The following LITAF variants were observed in gnomAD, a reference collection of about 807,000 sequenced individuals.
The protein encoded by LITAF is lipopolysaccharide induced TNF factor.
Under a neutral mutation model 14.5 loss-of-function variants are expected in LITAF, and 9 were observed. The observed-to-expected ratio is 0.62, with a 90% CI of 0.37 to 1.08. LITAF has a LOEUF of 1.08. Ranked by LOEUF, LITAF falls within the 50% of genes least tolerant of loss-of-function variation. LITAF has a pLI of 0.01. For missense variants in LITAF, 206 were observed against 213.4 expected (o/e 0.97, Z 0.22); for synonymous variants, 98 against 88.2 (o/e 1.11, Z -0.62).
chr16:11,637,538 C>T (rs957625220), upstream of LITAF, among the ~76,000 whole-genome samples: 1 of 152,230 alleles, frequency 6.6e-6, no homozygotes, highest in Non-Finnish European at 1.5e-5. Flanking sequence ...ATGAAACAAT[C>T]CACCAAGGAC....
upstream of LITAF, among the ~76,000 whole-genome samples, chr16:11,587,993 G>A (rs1017298956): frequency 6.6e-6 from 1 of 152,144 alleles, no homozygotes; most frequent in African/African-American, 2.4e-5. Context: ...CCTAAAGATA[G>A]TGAGGCCCAG....
Position 11,549,500 on chromosome 16 carries a change from C to T in LITAF, c.*137G>A, listed in dbSNP as rs1467716988. 2 of 714,144 alleles carry T rather than the reference C, an allele frequency of 2.8e-6. No individual in the cohort carries two copies. The highest frequency in any genetic ancestry group is 2.8e-5 in the East Asian group (1 of 36,312). 44.2% of individuals were successfully genotyped at this position (714,144 alleles called of 1,614,324 possible). A position where few individuals can be genotyped will look rare whatever the true frequency, so the allele number is the denominator to read the frequency against. Reference sequence around the variant, plus strand: ...GATTTGTTAGTTTTGCGACGTATTCCCCCCAAAAGAAGACATGAAGGTGGG... The same window carrying T: ...GATTTGTTAGTTTTGCGACGTATTCTCCCCAAAAGAAGACATGAAGGTGGG... On this transcript the variant is annotated 3_prime_UTR_variant, in exon 4 of 4. Coordinates refer to ENST00000622633, the MANE Select transcript of LITAF (RefSeq NM_001136472.2). The surrounding 1 kb of genome is among the most constrained non-coding windows in gnomAD (Gnocchi z 4.6).
chr16:11,612,879 G>C (rs2064991431), intron 3 of LITAF, among the ~76,000 whole-genome samples: 1 of 152,162 alleles, frequency 6.6e-6, no homozygotes, highest in Admixed American at 6.5e-5. Flanking sequence ...CATGGCTCCT[G>C]AAGACTTGTG....
intron 1 of LITAF, among the ~76,000 whole-genome samples, chr16:11,557,375 G>T (rs759684622): frequency 6.6e-6 from 1 of 152,028 alleles, no homozygotes; most frequent in African/African-American, 2.4e-5. Context: ...GGTTACAGAG[G>T]TATGTTCAGT....
At chr16:11,619,401 A>C (rs2065036873) in intron 3 of LITAF, among the ~76,000 whole-genome samples, 1 of 152,032 alleles carries the variant, frequency 6.6e-6, no homozygotes, top group African/African-American at 2.4e-5. Context: ...CCAGTGCCCC[A>C]AAGGCCCCAA....
intron 1 of LITAF, among the ~76,000 whole-genome samples, chr16:11,573,174 C>A (rs576533271): frequency 6.6e-6 from 1 of 152,128 alleles, no homozygotes; most frequent in African/African-American, 2.4e-5. Context: ...AAGCGATCCG[C>A]CTGCCTCGGC....
rs918475461 is a variant in LITAF at position 11,632,856 on chromosome 16, CA to C, written c.85+676del. Among the ~76,000 whole-genome samples, 2 of 152,172 alleles carry C rather than the reference CA, an allele frequency of 1.3e-5. No individual in the cohort carries two copies. The highest frequency in any genetic ancestry group is 4.8e-5 in the African/African-American group (2 of 41,450). ...CTTCTGCCGAATGCCTGGAATTCCA[CA>C]GGAATTTCCACAGAGGCCCACCCCA... is the stretch of plus-strand genomic sequence containing the variant. On this transcript the variant is annotated intron_variant, in intron 3 of 3. Coordinates refer to the LITAF transcript ENST00000574848. The surrounding 1 kb of genome is among the most constrained non-coding windows in gnomAD (Gnocchi z 4.8).
At chr16:11,556,116 T>A (rs1463235426) in intron 2 of LITAF, among the ~76,000 whole-genome samples, 1 of 152,170 alleles carries the variant, frequency 6.6e-6, no homozygotes, top group African/African-American at 2.4e-5. Flanking sequence ...AATCACACAT[T>A]GCTCAGGACG....
At chr16:11,615,481 G>C (rs1434072648) in intron 3 of LITAF, among the ~76,000 whole-genome samples, 7 of 150,398 alleles carry the variant, frequency 4.7e-5, no homozygotes, top group Non-Finnish European at 1.5e-5. Flanking sequence ...AGGTTGCGGT[G>C]AGCCGAGATC....
chr16:11,637,713 C>T (rs187551887), upstream of LITAF, among the ~76,000 whole-genome samples: 1 of 151,522 alleles, frequency 6.6e-6, no homozygotes, highest in Admixed American at 6.6e-5. Flanking sequence ...GAGCTCCTGT[C>T]TCCACAAAAA....
At position 11,553,636 on chromosome 16, in the gene LITAF, T is replaced by A; in HGVS notation, c.274A>T (p.Ile92Phe). 2 of 1,613,888 alleles carry A rather than the reference T, an allele frequency of 1.2e-6. No individual in the cohort carries two copies. The highest frequency in any genetic ancestry group is 1.7e-6 in the Non-Finnish European group (2 of 1,179,924). ...TTGCAGGAAGGACAACACATTTGGA[T>A]AGGGCGGTCCAAAAAGGTGATGGGG... Reference protein sequence around the residue: ...QHPITFLDRPIQMCCPSCNKM... With the variant: ...QHPITFLDRPFQMCCPSCNKM... The change falls in exon 3 of 4, where the codon ATC becomes TTC. Residue 92 changes from isoleucine (I) to phenylalanine (F), a missense_variant. Physicochemically the swap from Ile to Phe is conservative, Grantham distance 21. Transcript: ENST00000622633. The surrounding 1 kb of genome is among the most constrained non-coding windows in gnomAD (Gnocchi z 7.7).
chr16:11,576,941 T>C lies in LITAF; in HGVS notation c.-6+9945A>G, dbSNP rs530846550. Among the ~76,000 whole-genome samples the C allele has an allele frequency of 9.8e-5, 15 of 152,320 alleles. No homozygotes were observed. In the South Asian group the frequency reaches 2.9e-3, roughly 29 times the overall value. ...TGAAAATTCCAGAAAACAGCAATCT[T>C]GCCTTTAGCAAGACTTACGGATAAT... On this transcript the variant is annotated intron_variant, in intron 1 of 3. Coordinates refer to ENST00000622633, the MANE Select transcript of LITAF (RefSeq NM_001136472.2).
chr16:11,638,737 A>C (rs1040264929), upstream of LITAF, among the ~76,000 whole-genome samples: 2 of 142,176 alleles, frequency 1.4e-5, no homozygotes, highest in South Asian at 4.4e-4. Flanking sequence ...AAAAAAAAAA[A>C]AAAACCCTGG....
intron 1 of LITAF, among the ~76,000 whole-genome samples, chr16:11,564,133 C>T (rs942604717): frequency 5.9e-5 from 9 of 152,076 alleles, no homozygotes; most frequent in African/African-American, 1.9e-4. Flanking sequence ...TGCTCTCGAA[C>T]TCCTGACCTC....
chr16:11,581,878 C>T (rs181845656), intron 1 of LITAF, among the ~76,000 whole-genome samples: 4 of 151,970 alleles, frequency 2.6e-5, no homozygotes, highest in African/African-American at 4.8e-5. Context: ...AAAGGAAGGA[C>T]GACAAAATTG....
At chr16:11,580,117 A>C (rs1229422345) in intron 1 of LITAF, among the ~76,000 whole-genome samples, 1 of 152,246 alleles carries the variant, frequency 6.6e-6, no homozygotes, top group Non-Finnish European at 1.5e-5. Flanking sequence ...AGAGATGCTG[A>C]ACCAGTAAGT....
At chr16:11,638,701 CAAAA>C (rs57170972), upstream of LITAF, among the ~76,000 whole-genome samples, 74 of 75,878 alleles carry the variant, frequency 9.8e-4, no homozygotes, top group African/African-American at 2.3e-3. Flanking sequence ...GACTCTGTCT[CAAAA>C]AAAAAAAAAA....
chr16:11,583,046 C>G (rs1168854826), intron 1 of LITAF, among the ~76,000 whole-genome samples: 2 of 152,142 alleles, frequency 1.3e-5, no homozygotes, highest in African/African-American at 4.8e-5. Flanking sequence ...AAAGGGGAAA[C>G]CCGGACCTCC....
intron 3 of LITAF, among the ~76,000 whole-genome samples, chr16:11,550,304 G>A (rs2064164237): frequency 6.6e-6 from 1 of 152,106 alleles, no homozygotes; most frequent in South Asian, 2.1e-4. Flanking sequence ...TGGCCAGGCT[G>A]GTCTCAAACT....
Sources: gnomAD v4.1 joint callset for allele counts (sites outside exome capture counted in the v4.1 genomes callset) on GRCh38, gnomAD v4.1.1 for gene constraint, Gnocchi (gnomAD v3.1) non-coding constraint, MANE v1.5 for transcripts, NCBI Gene and HGNC (gene_info 2026-07-23, HGNC 2026-07-21) for gene names.